The following PEX5L variants were observed in gnomAD, a reference collection of about 807,000 sequenced individuals.
PEX5L encodes PEX5-related protein.
PEX5L carries 30 observed loss-of-function variants against 84.0 expected under a neutral mutation model. That is an observed-to-expected ratio of 0.36 (90% CI 0.27 to 0.48). The LOEUF (loss-of-function observed/expected upper bound fraction) is 0.48, where lower values mean the gene tolerates loss of function less well. PEX5L is among the 20% of genes least tolerant of loss of function. PEX5L has a pLI of 0.99. For synonymous variants in PEX5L, 270 were observed against 283.1 expected (o/e 0.95, Z 0.46); for missense variants, 533 against 754.6 (o/e 0.71, Z 3.44).
intron 2 of PEX5L, among the ~76,000 whole-genome samples, chr3:179,916,677 C>A: frequency 6.6e-6 from 1 of 151,990 alleles, no homozygotes; most frequent in East Asian, 1.9e-4. Context: ...AACCACCCCC[C>A]CTTTGTTTTT....
chr3:179,867,479 C>G (rs1043229654), intron 7 of PEX5L, among the ~76,000 whole-genome samples: 2 of 152,060 alleles, frequency 1.3e-5, no homozygotes, highest in Admixed American at 6.6e-5. Context: ...TTTCTTTCTT[C>G]GTGACTTCCA....
At chr3:179,891,125 C>T (rs943789795) in intron 3 of PEX5L, among the ~76,000 whole-genome samples, 4 of 151,766 alleles carry the variant, frequency 2.6e-5, no homozygotes, top group Non-Finnish European at 5.9e-5. Flanking sequence ...AGGACAAAGG[C>T]GTGGCATCTC....
intron 14 of PEX5L, chr3:179,804,244 G>A (rs1023940441): frequency 4.6e-5 from 7 of 151,994 alleles, no homozygotes; most frequent in Admixed American, 4.6e-4. Flanking sequence ...CCTGTTGGGG[G>A]ACTCAGAAGG....
Position 179,824,598 on chromosome 3 carries a change from C to T in PEX5L, c.823-4622G>A, listed in dbSNP as rs962868059. Among the ~76,000 whole-genome samples the T allele has an allele frequency of 2.7e-5, 4 of 148,190 alleles. No individual in the cohort carries two copies. In the South Asian group the frequency reaches 6.5e-4, roughly 24 times the overall value. ...GTGCATGCCTGTAATCCCAGCTACT[C>T]GGGAGGCTGAGGCAGGAGAATCACT... On this transcript the variant is annotated intron_variant, in intron 8 of 14. Transcript: ENST00000467460.
chr3:179,941,838 C>T (rs1208819871), intron 2 of PEX5L, among the ~76,000 whole-genome samples: 2 of 151,844 alleles, frequency 1.3e-5, no homozygotes, highest in African/African-American at 2.4e-5. Flanking sequence ...CTGGCCAACA[C>T]AGTGAAAACC....
rs139166420 is a variant in PEX5L, at chr3:179,942,421, G to A, written c.93+29173C>T. Among the ~76,000 whole-genome samples, 1,189 of 152,362 alleles carry A rather than the reference G, an allele frequency of 7.8e-3. 8 individuals are homozygous for A. The highest frequency in any genetic ancestry group is 0.014 in the Middle Eastern group (4 of 294). ...AGAGCAATGACAACACTGCGGGACC[G>A]CGGAGGCGGCTGGGCGGGGCTGGAG... is the stretch of plus-strand genomic sequence containing the variant. On this transcript the variant is annotated intron_variant, in intron 2 of 14. Coordinates refer to ENST00000467460, the MANE Select transcript of PEX5L (RefSeq NM_016559.3).
At chr3:179,813,672 T>C (rs1257390047) in intron 10 of PEX5L, among the ~76,000 whole-genome samples, 1 of 146,956 alleles carries the variant, frequency 6.8e-6, no homozygotes, top group Non-Finnish European at 1.5e-5. Flanking sequence ...TAATTTTTTT[T>C]TTTTTTTTTT....
intron 1 of PEX5L, among the ~76,000 whole-genome samples, chr3:180,025,964 G>A (rs1790912134): frequency 6.6e-6 from 1 of 152,140 alleles, no homozygotes; most frequent in African/African-American, 2.4e-5. Context: ...GGGGGTTAGG[G>A]AGGATAAGTT....
intron 4 of PEX5L, among the ~76,000 whole-genome samples, chr3:179,882,050 T>G (rs1754319206): frequency 1.3e-5 from 2 of 152,206 alleles, no homozygotes; most frequent in Admixed American, 1.3e-4. Flanking sequence ...AATAGAAATT[T>G]CCAGACCACT....
rs567896853 is a variant in PEX5L, at chr3:179,801,338, G to A, written c.*490C>T. On this transcript the variant is annotated 3_prime_UTR_variant, in exon 15 of 15. Transcript: ENST00000467460. ...ATTGGAACAGGTTTAAGCAATGTCT[G>A]TCTTTAGTCACAAGTTAATATATGT... 7 of 157,556 alleles carry A rather than the reference G, an allele frequency of 4.4e-5. No individual in the cohort carries two copies. Among genetic ancestry groups the A allele is most frequent in the African/African-American group, 1.7e-4 (7 of 41,614 alleles). The allele number at this position is 157,556 out of a possible 1,614,324, so 9.8% of individuals were successfully genotyped here.
intron 2 of PEX5L, among the ~76,000 whole-genome samples, chr3:179,956,479 A>G (rs536217275): frequency 7.2e-5 from 11 of 152,286 alleles, no homozygotes; most frequent in African/African-American, 2.6e-4. Flanking sequence ...CTTAGACTTC[A>G]ATATGGGTTT....
At chr3:179,937,277 A>G (rs915916515) in intron 2 of PEX5L, among the ~76,000 whole-genome samples, 2 of 152,156 alleles carry the variant, frequency 1.3e-5, no homozygotes, top group African/African-American at 4.8e-5. Context: ...GTACCAAAGG[A>G]CCAAGGTTGG....
At chr3:179,877,703 C>T (rs754651376) in intron 5 of PEX5L, among the ~76,000 whole-genome samples, 3 of 152,190 alleles carry the variant, frequency 2.0e-5, no homozygotes, top group Non-Finnish European at 2.9e-5. Flanking sequence ...AGCACTCCTC[C>T]TGCCTCAGCC....
intron 8 of PEX5L, among the ~76,000 whole-genome samples, chr3:179,854,805 G>A (rs115042422): frequency 4.5e-4 from 68 of 152,262 alleles, no homozygotes; most frequent in African/African-American, 1.4e-3. Context: ...TAAGAGACTA[G>A]GCCCCTTTTC....
intron 8 of PEX5L, among the ~76,000 whole-genome samples, chr3:179,856,388 T>C (rs2108507839): frequency 1.3e-3 from 1 of 800 alleles, no homozygotes; most frequent in African/African-American, 0.029. Context: ...ATGATATAAT[T>C]TTAGTTAAAC....
At chr3:179,916,747 G>A (rs142477330) in intron 2 of PEX5L, among the ~76,000 whole-genome samples, 2,647 of 152,148 alleles carry the variant, frequency 0.017, 74 homozygotes, top group African/African-American at 0.061. Flanking sequence ...TCGGCTCACT[G>A]CAACCTCTGC....
chr3:179,957,151 G>A (rs540321816), intron 2 of PEX5L, among the ~76,000 whole-genome samples: 2 of 33,824 alleles, frequency 5.9e-5, no homozygotes, highest in South Asian at 3.3e-3. Flanking sequence ...CACCGACTGC[G>A]ACTATAAAAA....
chr3:179,874,546 CTGA>C (rs1184602915), intron 6 of PEX5L, 123 bp from the exon 7 acceptor site: 5 of 567,128 alleles, frequency 8.8e-6, no homozygotes, highest in African/African-American at 5.7e-5. Context: ...CATCAAAATT[CTGA>C]TGATAGAGAT....
intron 11 of PEX5L, among the ~76,000 whole-genome samples, chr3:179,810,726 G>A (rs1189365018): frequency 1.3e-5 from 2 of 152,102 alleles, no homozygotes; most frequent in Non-Finnish European, 2.9e-5. Flanking sequence ...TGGGTAGAGA[G>A]GTTCTTAATT....
Sources: allele counts gnomAD v4.1 joint callset (sites outside exome capture counted in the v4.1 genomes callset), GRCh38; gene constraint gnomAD v4.1.1; transcripts MANE v1.5; gene names NCBI Gene and HGNC (gene_info 2026-07-23, HGNC 2026-07-21).